The following MUC7 variants were observed in gnomAD, a reference collection of about 807,000 sequenced individuals.
MUC7 encodes the protein mucin-7.
A neutral mutation model predicts 2.5 loss-of-function variants in MUC7; 2 were observed. The observed-to-expected ratio is 0.81, with a 90% CI of 0.33 to 2.55. MUC7 has a LOEUF of 2.55. Among genes scored for constraint, MUC7 ranks in the 30% most tolerant of loss-of-function variants. MUC7 has a pLI of 0.11. For missense variants in MUC7, 408 were observed against 455.6 expected, an observed-to-expected ratio of 0.90 and a Z score of 0.95; for synonymous variants, 133 against 173.4, an observed-to-expected ratio of 0.77 and a Z score of 1.83.
chr4:70,480,926 A>G lies in MUC7; in HGVS notation c.182A>G (p.Lys61Arg), dbSNP rs1373463073. The G allele has an allele frequency of 6.2e-7, 1 of 1,614,150 alleles. No individual in the cohort carries two copies. The highest frequency in any genetic ancestry group is 1.1e-5 in the South Asian group (1 of 91,078). Residue 61 changes from lysine (K) to arginine (R), a missense_variant, in exon 3 of 3, where the codon AAG becomes AGG. By Grantham distance (26) the Lys-to-Arg change is conservative (BLOSUM62 2). This residue lies in a region of MUC7 where 225 missense variants were observed against 240.5 expected (regional missense o/e 0.94). Coordinates refer to ENST00000304887, the MANE Select transcript of MUC7 (RefSeq NM_152291.3). Reference protein sequence around the residue: ...LLAHQKPFIRKSYKCLHKRCR... With the variant: ...LLAHQKPFIRRSYKCLHKRCR... ...GCTCACCAGAAGCCGTTCATTAGAA[A>G]GTCCTATAAATGTCTGCACAAACGC... is the stretch of plus-strand genomic sequence containing the variant.
intron 1 of MUC7, 132 bp downstream of exon 1, chr4:70,472,423 G>GGT (rs1057514489): frequency 6.6e-6 from 1 of 152,108 alleles, no homozygotes; most frequent in African/African-American, 2.4e-5. Context: ...CAAACAGTGT[G>GGT]GTAACACTCA....
intron 1 of MUC7, among the ~76,000 whole-genome samples, chr4:70,440,902 G>T (rs773751634): frequency 1.3e-5 from 2 of 152,124 alleles, no homozygotes; most frequent in East Asian, 1.9e-4. Context: ...GAAACATAAG[G>T]CATGCTAAAC....
chr4:70,458,674 T>C (rs940998351), intron 1 of MUC7, among the ~76,000 whole-genome samples: 1 of 151,956 alleles, frequency 6.6e-6, no homozygotes, highest in African/African-American at 2.4e-5. Flanking sequence ...AAACAAAATG[T>C]AAAACAAGTT....
chr4:70,452,616 C>G (rs1472171834), intron 1 of MUC7, among the ~76,000 whole-genome samples: 1 of 151,980 alleles, frequency 6.6e-6, no homozygotes, highest in African/African-American at 2.4e-5. Flanking sequence ...CTTTTTGTCT[C>G]TCTATTAATG....
chr4:70,462,793 C>G (rs1389852053), intron 1 of MUC7, among the ~76,000 whole-genome samples: 1 of 128,690 alleles, frequency 7.8e-6, no homozygotes, highest in Non-Finnish European at 1.6e-5. Flanking sequence ...GGTAACATAG[C>G]AAGACCCTAT....
intron 2 of MUC7, among the ~76,000 whole-genome samples, chr4:70,477,238 C>T (rs891364947): frequency 6.6e-6 from 1 of 151,970 alleles, no homozygotes; most frequent in African/African-American, 2.4e-5. Context: ...GGTGAAACCC[C>T]CATCTCTACT....
At chr4:70,468,882 T>A (rs545630179), upstream of MUC7, among the ~76,000 whole-genome samples, 341 of 152,268 alleles carry the variant, frequency 2.2e-3, 2 homozygotes, top group Middle Eastern at 0.014. Context: ...CCATTGACCT[T>A]CTTCACAGAA....
chr4:70,453,209 T>C (rs1734323236), intron 1 of MUC7, among the ~76,000 whole-genome samples: 1 of 152,176 alleles, frequency 6.6e-6, no homozygotes, highest in Non-Finnish European at 1.5e-5. Context: ...TATTCTTCCT[T>C]TCAGGACAGC....
chr4:70,431,063 T>C (rs1050487633), intron 1 of MUC7, among the ~76,000 whole-genome samples: 1 of 152,104 alleles, frequency 6.6e-6, no homozygotes, highest in Admixed American at 6.6e-5. Flanking sequence ...CTTTTCAGTA[T>C]GTAATGGTTA....
At chr4:70,447,724 AATAAT>A (rs1734180635) in intron 1 of MUC7, among the ~76,000 whole-genome samples, 1 of 152,204 alleles carries the variant, frequency 6.6e-6, no homozygotes, top group Non-Finnish European at 1.5e-5. Flanking sequence ...TGCAGTGTAT[AATAAT>A]CACATCATGG....
chr4:70,461,693 C>T (rs747304765), intron 1 of MUC7, among the ~76,000 whole-genome samples: 3 of 151,968 alleles, frequency 2.0e-5, no homozygotes, highest in Admixed American at 1.3e-4. Context: ...TGAGGAAGAG[C>T]CTTACTCAAG....
In MUC7 at chr4:70,433,437, A is replaced by G. The variant is rs192990633; in HGVS notation, c.-93+2750A>G. ...GTGGTTTGTAGTTCTCCTTGAAGAG[A>G]TCCTTCACATCCCTCGTAAATTGTA... is the stretch of plus-strand genomic sequence containing the variant. On this transcript the variant is annotated intron_variant, in intron 1 of 3. Coordinates refer to the MUC7 transcript ENST00000413702. Among the ~76,000 whole-genome samples, 686 of 152,090 alleles carry G rather than the reference A, an allele frequency of 4.5e-3. 7 individuals carry two copies. Among genetic ancestry groups the G allele is most frequent in the African/African-American group, 0.016 (662 of 41,504 alleles).
At position 70,482,438 on chromosome 4, in the gene MUC7, T is replaced by A. The variant is rs1238662035; in HGVS notation, c.*560T>A. On this transcript the variant is annotated 3_prime_UTR_variant, in exon 3 of 3. Coordinates refer to ENST00000304887, the MANE Select transcript of MUC7 (RefSeq NM_152291.3). ...TTTAAATAAAATTTTATTTCACAAA[T>A]ATGAGCCAAGAAAGAGGAAAGTTGA... 1.3e-5 allele frequency: 2 copies of A among 152,694 alleles called. No individual in the cohort carries two copies. The highest frequency in any genetic ancestry group is 4.8e-5 in the African/African-American group (2 of 41,454). 9.5% of individuals were successfully genotyped at this position (152,694 alleles called of 1,614,324 possible). A position where few individuals can be genotyped will look rare whatever the true frequency, so the allele number is the denominator to read the frequency against.
chr4:70,466,948 GA>G (rs1440496899), intron 1 of MUC7, among the ~76,000 whole-genome samples: 13 of 152,310 alleles, frequency 8.5e-5, no homozygotes, highest in African/African-American at 3.1e-4. Flanking sequence ...AAAATCAACA[GA>G]ATATACATTC....
chr4:70,471,265 C>G (rs1159136216), upstream of MUC7, among the ~76,000 whole-genome samples: 1 of 151,952 alleles, frequency 6.6e-6, no homozygotes, highest in Non-Finnish European at 1.5e-5. Flanking sequence ...GTCTAGCTAT[C>G]AAAATATCAC....
Position 70,480,837 on chromosome 4 carries a change from CA to C in MUC7, c.94del (p.Arg32GlufsTer21). Reference sequence around the variant, plus strand: ...GAGAAAGGGATCATGAACTACGTCACAGAAGGCATCATCACCAATCACCCAA... The same window carrying C: ...GAGAAAGGGATCATGAACTACGTCACGAAGGCATCATCACCAATCACCCAA... ...GRERDHELRH[R>X]RHHHQSPKSH... On this transcript the variant is annotated frameshift_variant, in exon 3 of 3. Coordinates refer to ENST00000304887, the MANE Select transcript of MUC7 (RefSeq NM_152291.3). LOFTEE classifies it low-confidence loss of function (END_TRUNC). 6.2e-7 allele frequency: 1 copy of C among 1,614,070 alleles called. No individual in the cohort carries two copies. The highest frequency in any genetic ancestry group is 1.1e-5 in the South Asian group (1 of 91,068).
chr4:70,458,980 A>G (rs1734479256), intron 1 of MUC7, among the ~76,000 whole-genome samples: 1 of 152,208 alleles, frequency 6.6e-6, no homozygotes, highest in African/African-American at 2.4e-5. Flanking sequence ...CTATCTAGAC[A>G]ATATAAAAGT....
intron 1 of MUC7, among the ~76,000 whole-genome samples, chr4:70,440,475 C>A (rs141721840): frequency 6.6e-6 from 1 of 151,558 alleles, no homozygotes; most frequent in Non-Finnish European, 1.5e-5. Context: ...AGCAACAGTA[C>A]GTAAATGATA....
chr4:70,454,262 A>G (rs547657496), intron 1 of MUC7, among the ~76,000 whole-genome samples: 56 of 152,286 alleles, frequency 3.7e-4, no homozygotes, highest in African/African-American at 1.3e-3. Context: ...TTTCAAGTTT[A>G]TTTAGAACCA....
Sources: allele counts gnomAD v4.1 joint callset (sites outside exome capture counted in the v4.1 genomes callset), GRCh38; gene constraint gnomAD v4.1.1; regional missense constraint gnomAD v4.1.1; transcripts MANE v1.5; gene names NCBI Gene and HGNC (gene_info 2026-07-23, HGNC 2026-07-21).